Variants in DLG2 observed in about 807,000 individuals in gnomAD.
The protein encoded by DLG2 is discs large MAGUK scaffold protein 2, also known as disks large homolog 2.
DLG2 carries 45 observed loss-of-function variants against 132.5 expected under a neutral mutation model. The ratio of observed to expected loss-of-function variants is 0.34; its 90% CI spans 0.27 to 0.44. The LOEUF (loss-of-function observed/expected upper bound fraction) is 0.44, where lower values mean the gene tolerates loss of function less well. DLG2 is among the 20% of genes least tolerant of loss of function. The probability of loss-of-function intolerance (pLI) is 1.00; values close to 1 mark genes in which losing one functional copy is unlikely to be tolerated. For synonymous variants in DLG2, 424 were observed against 419.6 expected, an observed-to-expected ratio of 1.01 and a Z score of -0.13; for missense variants, 1,045 against 1,196.9, an observed-to-expected ratio of 0.87 and a Z score of 1.87.
intron 7 of DLG2, among the ~76,000 whole-genome samples, chr11:84,307,713 A>G (rs892270069): frequency 6.9e-6 from 1 of 144,870 alleles, no homozygotes; most frequent in Non-Finnish European, 1.5e-5. Context: ...AAAAAAAAAA[A>G]AAAGAAGCCG....
intron 7 of DLG2, among the ~76,000 whole-genome samples, chr11:84,517,578 G>A (rs1320637903): frequency 6.6e-6 from 1 of 151,888 alleles, no homozygotes; most frequent in Non-Finnish European, 1.5e-5. Flanking sequence ...TTATGAAAAA[G>A]AGTATATAGA....
At chr11:85,471,944 T>C (rs1165724853) in intron 3 of DLG2, among the ~76,000 whole-genome samples, 3 of 152,078 alleles carry the variant, frequency 2.0e-5, no homozygotes, top group Admixed American at 6.5e-5. Flanking sequence ...CAAGGAACCA[T>C]AATGTGACTT....
At position 84,406,256 on chromosome 11, in the gene DLG2, C is replaced by A. The variant is rs527468276; in HGVS notation, c.519+128314G>T. On this transcript the variant is annotated intron_variant, in intron 7 of 27. Coordinates refer to ENST00000376104, the MANE Select transcript of DLG2 (RefSeq NM_001142699.3). ...TCTCTCTTCTCTGTCTGCCCTTGCC[C>A]TGCCTATCTACCCAGCAAACTAATA... 2.4e-4 allele frequency among the ~76,000 whole-genome samples: 37 copies of A among 152,264 alleles called. 1 individual carries two copies. In the South Asian group the frequency reaches 7.7e-3, roughly 32 times the overall value.
intron 10 of DLG2, among the ~76,000 whole-genome samples, chr11:84,069,420 T>A (rs770280769): frequency 6.6e-6 from 1 of 152,178 alleles, no homozygotes; most frequent in Admixed American, 6.5e-5. Context: ...AGACCACAGC[T>A]GCCATAATGT....
At chr11:84,800,992 T>G (rs2075300226) in intron 6 of DLG2, among the ~76,000 whole-genome samples, 2 of 152,166 alleles carry the variant, frequency 1.3e-5, no homozygotes, top group African/African-American at 2.4e-5. Flanking sequence ...TCTGAGCATC[T>G]CAGCTGAGCA....
At chr11:84,294,983 T>C (rs1405638783) in intron 7 of DLG2, among the ~76,000 whole-genome samples, 1 of 152,250 alleles carries the variant, frequency 6.6e-6, no homozygotes, top group African/African-American at 2.4e-5. Context: ...TATATTGTTT[T>C]TACTTCATCA....
chr11:84,780,233 C>T (rs2071474690), intron 6 of DLG2, among the ~76,000 whole-genome samples: 1 of 151,864 alleles, frequency 6.6e-6, no homozygotes, highest in Non-Finnish European at 1.5e-5. Flanking sequence ...GCTCAATATT[C>T]TCAAATTAAT....
At chr11:83,991,078 A>G (rs1482589972) in intron 11 of DLG2, among the ~76,000 whole-genome samples, 3 of 152,212 alleles carry the variant, frequency 2.0e-5, no homozygotes, top group Non-Finnish European at 4.4e-5. Context: ...TTTTGCTTTA[A>G]CAAATACCAA....
intron 6 of DLG2, among the ~76,000 whole-genome samples, chr11:84,808,471 G>C (rs965407150): frequency 6.6e-6 from 1 of 151,720 alleles, no homozygotes; most frequent in Admixed American, 6.6e-5. Context: ...ACAAAGAGCA[G>C]AAACAAATGT....
chr11:84,735,289 C>T (rs2063684784), intron 6 of DLG2, among the ~76,000 whole-genome samples: 2 of 152,002 alleles, frequency 1.3e-5, no homozygotes, highest in Non-Finnish European at 2.9e-5. Context: ...GGTTGGTAGG[C>T]TATTAATTAT....
intron 6 of DLG2, among the ~76,000 whole-genome samples, chr11:84,954,056 A>G (rs959320348): frequency 6.6e-6 from 1 of 151,790 alleles, no homozygotes; most frequent in Non-Finnish European, 1.5e-5. Flanking sequence ...GCTTGATTTT[A>G]TTGCTCTTCC....
At chr11:85,419,813 T>C (rs1228493535) in intron 3 of DLG2, among the ~76,000 whole-genome samples, 1 of 152,228 alleles carries the variant, frequency 6.6e-6, no homozygotes, top group Non-Finnish European at 1.5e-5. Context: ...CAACTGGTTA[T>C]TCTAGTTAGC....
At chr11:83,653,394 T>C (rs191641178) in intron 18 of DLG2, among the ~76,000 whole-genome samples, 3 of 152,346 alleles carry the variant, frequency 2.0e-5, no homozygotes, top group Admixed American at 1.3e-4. Flanking sequence ...CCTGTGTCCA[T>C]ATATAATTCT....
intron 7 of DLG2, among the ~76,000 whole-genome samples, chr11:84,530,602 T>C (rs1486789124): frequency 1.3e-5 from 2 of 152,276 alleles, no homozygotes; most frequent in African/African-American, 4.8e-5. Context: ...TTAGAATGGC[T>C]TTTATAAAAC....
At chr11:84,733,341 T>G (rs1368558411) in intron 6 of DLG2, among the ~76,000 whole-genome samples, 1 of 152,112 alleles carries the variant, frequency 6.6e-6, no homozygotes, top group Non-Finnish European at 1.5e-5. Context: ...TTCTAACTGG[T>G]GTGAGATGGT....
chr11:85,353,143 A>G (rs1326972624), intron 3 of DLG2, among the ~76,000 whole-genome samples: 1 of 152,234 alleles, frequency 6.6e-6, no homozygotes, highest in Non-Finnish European at 1.5e-5. Flanking sequence ...ATTTACAAGA[A>G]AAAAACAAAC....
At chr11:84,368,891 T>G (rs1038431048) in intron 7 of DLG2, among the ~76,000 whole-genome samples, 1 of 152,152 alleles carries the variant, frequency 6.6e-6, no homozygotes, top group African/African-American at 2.4e-5. Context: ...CTAGAACTAG[T>G]GTCTTACCAA....
At chr11:83,965,120 G>A (rs1387192860) in intron 13 of DLG2, among the ~76,000 whole-genome samples, 2 of 151,984 alleles carry the variant, frequency 1.3e-5, no homozygotes, top group Non-Finnish European at 2.9e-5. Flanking sequence ...TGGTGGGCAT[G>A]CCAACTCATT....
At chr11:84,784,831 A>T (rs1466968414) in intron 6 of DLG2, among the ~76,000 whole-genome samples, 1 of 152,122 alleles carries the variant, frequency 6.6e-6, no homozygotes, top group African/African-American at 2.4e-5. Flanking sequence ...GATGTTGGTC[A>T]AAGTATAAAA....
Sources: gnomAD v4.1 joint callset for allele counts (sites outside exome capture counted in the v4.1 genomes callset) on GRCh38, gnomAD v4.1.1 for gene constraint, MANE v1.5 for transcripts, NCBI Gene and HGNC (gene_info 2026-07-23, HGNC 2026-07-21) for gene names.